Variants in SYT14 observed in about 807,000 individuals in gnomAD.
SYT14 encodes the protein synaptotagmin 14, also known as synaptotagmin-14.
A neutral mutation model predicts 74.2 loss-of-function variants in SYT14; 32 were observed. The ratio of observed to expected loss-of-function variants is 0.43; its 90% CI spans 0.33 to 0.58. SYT14 has a LOEUF of 0.58. Ranked by LOEUF, SYT14 falls within the 20% of genes least tolerant of loss-of-function variation. SYT14 has a pLI of 0.05. For missense variants in SYT14, 791 were observed against 981.8 expected (o/e 0.81, Z 2.60); for synonymous variants, 298 against 337.7 (o/e 0.88, Z 1.29).
At chr1:209,954,708 CTTT>C (rs775517244) in intron 2 of SYT14, among the ~76,000 whole-genome samples, 1 of 143,090 alleles carries the variant, frequency 7.0e-6, no homozygotes. Context: ...TTCTTTCTCT[CTTT>C]TTTTTTTTTT....
rs549249752 is a variant in SYT14 at position 209,995,191 on chromosome 1, G to T, written c.-485-18442G>T. ...ACTAAAACCCCACTTAAAAGACACA[G>T]AGTGGCAAGGTGGATAAAAAGAGAA... is the stretch of plus-strand genomic sequence containing the variant. On this transcript the variant is annotated intron_variant, in intron 2 of 9. Transcript: ENST00000637265. 5.9e-5 allele frequency among the ~76,000 whole-genome samples: 9 copies of T among 152,234 alleles called. No individual in the cohort carries two copies. In the South Asian group the frequency reaches 1.9e-3, roughly 32 times the overall value.
At chr1:210,007,435 G>C (rs116370920) in intron 2 of SYT14, among the ~76,000 whole-genome samples, 2,428 of 151,828 alleles carry the variant, frequency 0.016, 76 homozygotes, top group African/African-American at 0.055. Context: ...ATTCATATTT[G>C]TTTTATTAGC....
At chr1:209,952,583 AAAGAG>A in intron 1 of SYT14, 121 bp from the exon 2 acceptor site, 2 of 735,828 alleles carry the variant, frequency 2.7e-6, no homozygotes, top group Non-Finnish European at 2.4e-6. Flanking sequence ...AGTTAAGTAT[AAAGAG>A]AAGAGTTAGG....
chr1:210,122,461 G>A (rs573571604), intron 7 of SYT14, among the ~76,000 whole-genome samples: 2 of 152,144 alleles, frequency 1.3e-5, no homozygotes, highest in South Asian at 4.2e-4. Flanking sequence ...ACTAATCCTT[G>A]TCTTTTAAAG....
chr1:210,043,592 A>C (rs2080833757), intron 5 of SYT14, among the ~76,000 whole-genome samples: 1 of 152,194 alleles, frequency 6.6e-6, no homozygotes, highest in East Asian at 1.9e-4. Flanking sequence ...TGGAACCAGA[A>C]TTAACAAGCT....
chr1:210,076,845 C>G (rs2081510294), intron 5 of SYT14, among the ~76,000 whole-genome samples: 1 of 152,196 alleles, frequency 6.6e-6, no homozygotes, highest in Non-Finnish European at 1.5e-5. Flanking sequence ...CATGAGAACT[C>G]CACCCACATG....
intron 2 of SYT14, among the ~76,000 whole-genome samples, chr1:210,008,147 C>CAAA (rs1482817370): frequency 3.3e-5 from 5 of 152,152 alleles, no homozygotes; most frequent in Non-Finnish European, 5.9e-5. Context: ...GGACTTAAAA[C>CAAA]AGTCCCTGTT....
intron 5 of SYT14, among the ~76,000 whole-genome samples, chr1:210,063,780 G>A (rs1190000634): frequency 1.4e-5 from 2 of 147,524 alleles, no homozygotes; most frequent in Non-Finnish European, 2.9e-5. Context: ...TTGTGTGATG[G>A]ACTTCTTTTT....
chr1:209,948,256 G>A (rs1004456700), intron 1 of SYT14, among the ~76,000 whole-genome samples: 1 of 152,202 alleles, frequency 6.6e-6, no homozygotes, highest in Non-Finnish European at 1.5e-5. Context: ...ATGTACATAT[G>A]TTGTAATGAT....
chr1:209,982,100 C>G (rs1009091115), intron 2 of SYT14, among the ~76,000 whole-genome samples: 3 of 152,000 alleles, frequency 2.0e-5, no homozygotes, highest in Non-Finnish European at 4.4e-5. Context: ...GCCAGTAATT[C>G]ATAGGTTTGG....
intron 5 of SYT14, among the ~76,000 whole-genome samples, chr1:210,071,797 T>G (rs1290870183): frequency 6.6e-6 from 1 of 152,026 alleles, no homozygotes; most frequent in East Asian, 1.9e-4. Flanking sequence ...AAGCTTCGAT[T>G]CCATTTTGCA....
chr1:210,003,954 A>G (rs1429898600), intron 2 of SYT14, among the ~76,000 whole-genome samples: 1 of 151,878 alleles, frequency 6.6e-6, no homozygotes, highest in Non-Finnish European at 1.5e-5. Flanking sequence ...CCTTATTGTG[A>G]AAGTCTCCAA....
chr1:210,013,694 C>T lies in SYT14; in HGVS notation c.-424C>T, dbSNP rs766798476. 5.6e-6 allele frequency: 9 copies of T among 1,612,816 alleles called. No individual in the cohort carries two copies. The East Asian group carries it at 6.7e-5, about 12-fold the overall frequency. On this transcript the variant is annotated 5_prime_UTR_variant, in exon 3 of 10. Coordinates refer to ENST00000637265, the Ensembl canonical transcript of SYT14. ...GGGTGTTTATTATCTTGATGCTGCT[C>T]CTTTTTCTCTATATTAATAAGAAGT...
exon 10 of SYT14, chr1:210,163,641 TTC>T (rs2083417748): frequency 4.4e-6 from 2 of 453,666 alleles, no homozygotes; most frequent in Non-Finnish European, 8.8e-6. Flanking sequence ...TCTGCTGCTG[TTC>T]TCCTTCACAC....
chr1:209,951,595 C>T (rs145082994), intron 1 of SYT14, among the ~76,000 whole-genome samples: 14 of 152,154 alleles, frequency 9.2e-5, no homozygotes, highest in East Asian at 7.7e-4. Context: ...CTGTTCTCCT[C>T]GGAATACATT....
intron 2 of SYT14, among the ~76,000 whole-genome samples, chr1:209,974,497 G>C (rs1231820155): frequency 6.6e-6 from 1 of 152,162 alleles, no homozygotes; most frequent in Non-Finnish European, 1.5e-5. Context: ...GTTTTTGTCA[G>C]ATTTGTCAAA....
At chr1:210,161,040 T>C in exon 10 of SYT14, 2 of 1,613,600 alleles carry the variant, frequency 1.2e-6, no homozygotes, top group Non-Finnish European at 1.7e-6. Flanking sequence ...GCTAGAGTCA[T>C]GATGAATAGA....
chr1:210,078,076 C>T lies in SYT14; in HGVS notation c.1313-16246C>T, dbSNP rs536802470. ...CTGTAATCCCAGCACTTTGGGAGGC[C>T]GAGGCGGGCGGATCACGAGGTCAAG... On this transcript the variant is annotated intron_variant, in intron 5 of 9. Transcript: ENST00000637265. Among the ~76,000 whole-genome samples, 14 of 151,794 alleles carry T rather than the reference C, an allele frequency of 9.2e-5. No homozygotes were observed. The South Asian group carries it at 1.9e-3, about 20-fold the overall frequency.
chr1:209,959,085 T>C (rs1434613985), intron 2 of SYT14, among the ~76,000 whole-genome samples: 5 of 152,292 alleles, frequency 3.3e-5, no homozygotes, highest in African/African-American at 4.8e-5. Context: ...TGAAAACATA[T>C]GTTTATACAA....
Sources: gnomAD v4.1 joint callset for allele counts (sites outside exome capture counted in the v4.1 genomes callset) on GRCh38, gnomAD v4.1.1 for gene constraint, MANE v1.5 for transcripts, NCBI Gene and HGNC (gene_info 2026-07-23, HGNC 2026-07-21) for gene names.